The following CRHBP variants were observed in gnomAD, a reference collection of about 807,000 sequenced individuals.
The protein encoded by CRHBP is corticotropin-releasing hormone-binding protein.
CRHBP carries 19 observed loss-of-function variants against 34.9 expected under a neutral mutation model. The observed-to-expected ratio is 0.55, with a 90% CI of 0.38 to 0.80. The LOEUF is 0.80. Among genes scored for constraint, CRHBP ranks in the 30% least tolerant of loss-of-function variants. The pLI, the probability that CRHBP is intolerant of heterozygous loss-of-function variation, is 0.00. For missense variants in CRHBP, 328 were observed against 409.2 expected (o/e 0.80, Z 1.71); for synonymous variants, 154 against 153.4 (o/e 1.00, Z -0.03).
intron 6 of CRHBP, among the ~76,000 whole-genome samples, chr5:76,964,096 G>GT (rs1745823059): frequency 6.6e-6 from 1 of 152,098 alleles, no homozygotes; most frequent in Non-Finnish European, 1.5e-5. Context: ...AGACAAGTGA[G>GT]TATTTTCACT....
intron 5 of CRHBP, among the ~76,000 whole-genome samples, chr5:76,959,696 T>G (rs1226423864): frequency 2.6e-5 from 4 of 152,212 alleles, no homozygotes; most frequent in Admixed American, 6.5e-5. Context: ...ATATCCAATT[T>G]CCTTTAAGCC....
At chr5:76,958,994 C>A in intron 5 of CRHBP, 105 bp downstream of exon 5, 2 of 1,198,814 alleles carry the variant, frequency 1.7e-6, no homozygotes, top group Non-Finnish European at 2.3e-6. Flanking sequence ...TGGCGTAGTA[C>A]GTTGCTCTGA....
downstream of CRHBP, among the ~76,000 whole-genome samples, chr5:76,972,137 G>C (rs558191974): frequency 1.3e-5 from 2 of 151,990 alleles, no homozygotes; most frequent in South Asian, 4.2e-4. Context: ...GGGGTCAAGT[G>C]ATCTCTCACC....
At chr5:76,966,785 G>A (rs1270375565) in intron 6 of CRHBP, among the ~76,000 whole-genome samples, 1 of 152,024 alleles carries the variant, frequency 6.6e-6, no homozygotes, top group Non-Finnish European at 1.5e-5. Context: ...CCCCTCCTGA[G>A]TTGTTCAGTG....
At chr5:76,956,267 AGCC>A (rs1561264745) in intron 4 of CRHBP, among the ~76,000 whole-genome samples, 1 of 152,136 alleles carries the variant, frequency 6.6e-6, no homozygotes, top group Non-Finnish European at 1.5e-5. Flanking sequence ...CATGTCTTTC[AGCC>A]TGTGCCTGAA....
chr5:76,953,655 C>T lies in CRHBP; in HGVS notation c.136C>T (p.Arg46Trp), dbSNP rs1561263639. 1.2e-6 allele frequency: 2 copies of T among 1,611,132 alleles called. No homozygotes were observed. Among genetic ancestry groups the T allele is most frequent in the Non-Finnish European group, 8.5e-7 (1 of 1,179,032 alleles). Reference sequence around the variant, plus strand: ...CCTGCTCTTCAGCGCCAACCTGAAGCGGGAGCTGGCTGGGGAGCAGCCGTA... The same window carrying T: ...CCTGCTCTTCAGCGCCAACCTGAAGTGGGAGCTGGCTGGGGAGCAGCCGTA... Reference protein sequence around the residue: ...PFLLFSANLKRELAGEQPYRR... With the variant: ...PFLLFSANLKWELAGEQPYRR... Residue 46 changes from arginine (R) to tryptophan (W), a missense_variant, in exon 2 of 7, where the codon CGG becomes TGG. By Grantham distance (101) the Arg-to-Trp change is moderately radical. This residue lies in a region of CRHBP where 173 missense variants were observed against 172.2 expected (regional missense o/e 1.00). Coordinates refer to ENST00000274368, the MANE Select transcript of CRHBP (RefSeq NM_001882.4).
rs1195671005 is a variant in CRHBP, at chr5:76,969,327, AT to A, written c.*445del. 6.5e-6 allele frequency: 1 copy of A among 153,500 alleles called. No individual in the cohort carries two copies. Among genetic ancestry groups the A allele is most frequent in the Non-Finnish European group, 1.5e-5 (1 of 68,642 alleles). The allele number at this position is 153,500 out of a possible 1,614,324, so 9.5% of individuals were successfully genotyped here. ...AAGTAGTTGCATCTGTTTATTTTCT[AT>A]TTATTATTGTTACAATAGGTAATAG... On this transcript the variant is annotated 3_prime_UTR_variant, in exon 7 of 7. Coordinates refer to ENST00000274368, the MANE Select transcript of CRHBP (RefSeq NM_001882.4).
At chr5:76,975,439 A>G (rs1449903555) in intron 2 of CRHBP, among the ~76,000 whole-genome samples, 1 of 152,134 alleles carries the variant, frequency 6.6e-6, no homozygotes, top group Non-Finnish European at 1.5e-5. Flanking sequence ...ATTATCGCTA[A>G]TCATTATGAC....
At chr5:76,980,099 A>T (rs1746095115) in intron 3 of CRHBP, among the ~76,000 whole-genome samples, 4 of 151,554 alleles carry the variant, frequency 2.6e-5, no homozygotes, top group Admixed American at 2.6e-4. Flanking sequence ...AAAATACAAA[A>T]AAAAAATTAG....
At chr5:76,974,649 T>C (rs1468901215) in intron 2 of CRHBP, among the ~76,000 whole-genome samples, 1 of 152,214 alleles carries the variant, frequency 6.6e-6, no homozygotes, top group Non-Finnish European at 1.5e-5. Flanking sequence ...AATACACTTT[T>C]ATCTGTGCAG....
intron 1 of CRHBP, 47 bp from the exon 2 acceptor site, chr5:76,953,554 A>T: frequency 6.4e-7 from 1 of 1,569,280 alleles, no homozygotes; most frequent in Non-Finnish European, 8.7e-7. Context: ...CCCCTTTTTT[A>T]TCCCCAGCCC....
downstream of CRHBP, among the ~76,000 whole-genome samples, chr5:76,971,469 G>T (rs779199256): frequency 3.9e-5 from 6 of 152,100 alleles, no homozygotes; most frequent in Non-Finnish European, 8.8e-5. Flanking sequence ...TGCTTTGTAC[G>T]CTGAAGGATT....
chr5:76,958,714 G>C, intron 4 of CRHBP, 27 bp from the exon 5 acceptor site: 3 of 1,593,842 alleles, frequency 1.9e-6, no homozygotes, highest in Non-Finnish European at 2.6e-6. Flanking sequence ...TAAAGGAAAC[G>C]TGAATTTCTT....
At chr5:76,978,600 G>C (rs1444291608) in intron 3 of CRHBP, among the ~76,000 whole-genome samples, 1 of 152,192 alleles carries the variant, frequency 6.6e-6, no homozygotes, top group Non-Finnish European at 1.5e-5. Context: ...CAAGAGCTCT[G>C]AGGGAAATGT....
intron 5 of CRHBP, among the ~76,000 whole-genome samples, chr5:76,962,787 T>C (rs1745799168): frequency 1.3e-5 from 2 of 152,202 alleles, no homozygotes; most frequent in Admixed American, 1.3e-4. Flanking sequence ...TTTTATTATT[T>C]CTTTAACATA....
downstream of CRHBP, among the ~76,000 whole-genome samples, chr5:76,971,248 CTTAGTTT>C (rs766786024): frequency 6.6e-6 from 1 of 152,140 alleles, no homozygotes; most frequent in Non-Finnish European, 1.5e-5. Flanking sequence ...GTCTCCATTC[CTTAGTTT>C]TTAATCTGTA....
At position 76,953,711 on chromosome 5, in the gene CRHBP, C is replaced by T. The variant is rs1715771; in HGVS notation, c.175+17C>T. 4 of 1,593,996 alleles carry T rather than the reference C, an allele frequency of 2.5e-6. No homozygotes were observed. Among genetic ancestry groups the T allele is most frequent in the East Asian group, 4.6e-5 (2 of 43,832 alleles). On this transcript the variant is annotated intron_variant, in intron 2 of 6. Transcript: ENST00000274368. Reference sequence around the variant, plus strand: ...GCGCTCTGCGTGAGTCGAGGCTGCCCGGCTCGCGGGCGCCCGGGACGCGGG... The same window carrying T: ...GCGCTCTGCGTGAGTCGAGGCTGCCTGGCTCGCGGGCGCCCGGGACGCGGG...
chr5:76,975,825 A>AT (rs1364805675), intron 2 of CRHBP, among the ~76,000 whole-genome samples: 726 of 61,366 alleles, frequency 0.012, 1 homozygote, highest in Middle Eastern at 0.018. Flanking sequence ...AAAAAAAAAA[A>AT]ATATATATAT....
intron 6 of CRHBP, among the ~76,000 whole-genome samples, chr5:76,968,194 GTTTTT>G (rs1197546143): frequency 7.2e-5 from 9 of 124,754 alleles, no homozygotes; most frequent in African/African-American, 2.7e-4. Context: ...ATAAACAGGT[GTTTTT>G]TTTTGTTTTT....
Sources: allele counts gnomAD v4.1 joint callset (sites outside exome capture counted in the v4.1 genomes callset), GRCh38; gene constraint gnomAD v4.1.1; regional missense constraint gnomAD v4.1.1; transcripts MANE v1.5; gene names NCBI Gene and HGNC (gene_info 2026-07-23, HGNC 2026-07-21).